The following SETDB2 variants were observed in gnomAD, a reference collection of about 807,000 sequenced individuals.
The protein encoded by SETDB2 is SET domain bifurcated histone lysine methyltransferase 2, also known as histone-lysine N-methyltransferase SETDB2.
Under a neutral mutation model 82.5 loss-of-function variants are expected in SETDB2, and 56 were observed. That is an observed-to-expected ratio of 0.68 (90% CI 0.55 to 0.85). The LOEUF is 0.85. Among genes scored for constraint, SETDB2 ranks in the 40% least tolerant of loss-of-function variants. SETDB2 has a pLI of 0.00. For synonymous variants in SETDB2, 272 were observed against 284.9 expected (o/e 0.95, Z 0.46); for missense variants, 677 against 816.4 (o/e 0.83, Z 2.08).
At chr13:49,463,944 G>A (rs12429813) in intron 4 of SETDB2, 341,865 of 706,862 alleles carry the variant, frequency 0.48, 85,440 homozygotes, top group Non-Finnish European at 0.54. Context: ...CTGCCTCTGG[G>A]ATAAGTCATC....
chr13:49,464,552 T>C (rs534914710), intron 4 of SETDB2, among the ~76,000 whole-genome samples: 69 of 152,300 alleles, frequency 4.5e-4, no homozygotes, highest in African/African-American at 1.6e-3. Flanking sequence ...AGTTGGTTTT[T>C]GTTTGGGGTC....
chr13:49,459,522 T>C (rs745586188), intron 2 of SETDB2, among the ~76,000 whole-genome samples: 1 of 152,246 alleles, frequency 6.6e-6, no homozygotes, highest in African/African-American at 2.4e-5. Flanking sequence ...TGACAACTTA[T>C]AATTGTTTTT....
intron 8 of SETDB2, among the ~76,000 whole-genome samples, chr13:49,481,639 G>A (rs141397638): frequency 3.6e-4 from 55 of 152,308 alleles, no homozygotes; most frequent in African/African-American, 7.7e-4. Context: ...AAAACTTCCC[G>A]AGCAGTGTGT....
At chr13:49,462,104 C>G (rs1482543432) in intron 4 of SETDB2, among the ~76,000 whole-genome samples, 1 of 152,194 alleles carries the variant, frequency 6.6e-6, no homozygotes, top group East Asian at 1.9e-4. Flanking sequence ...AGTCTGAAAG[C>G]TCTCTGAACC....
intron 2 of SETDB2, among the ~76,000 whole-genome samples, chr13:49,458,874 A>G (rs984448116): frequency 6.6e-6 from 1 of 152,256 alleles, no homozygotes; most frequent in Non-Finnish European, 1.5e-5. Context: ...TCTGGAAAAC[A>G]TAACTAATCA....
chr13:49,465,255 G>T (rs1417413387), intron 4 of SETDB2, among the ~76,000 whole-genome samples: 2 of 152,082 alleles, frequency 1.3e-5, no homozygotes, highest in African/African-American at 4.8e-5. Context: ...CTCAGTATTT[G>T]CTCTGTCTCC....
At chr13:49,487,004 T>C (rs1640496624) in intron 11 of SETDB2, among the ~76,000 whole-genome samples, 1 of 152,206 alleles carries the variant, frequency 6.6e-6, no homozygotes, top group Admixed American at 6.5e-5. Context: ...TTATCATGCA[T>C]GTGAGCCACA....
chr13:49,455,196 C>T (rs181347134), intron 2 of SETDB2, among the ~76,000 whole-genome samples: 1 of 152,168 alleles, frequency 6.6e-6, no homozygotes, highest in Admixed American at 6.5e-5. Flanking sequence ...TTTGGTTGAA[C>T]TGAATAAAAG....
intron 5 of SETDB2, among the ~76,000 whole-genome samples, chr13:49,471,934 A>ATATATATATATATATATT (rs1378783393): frequency 2.5e-5 from 3 of 119,260 alleles, no homozygotes; most frequent in African/African-American, 3.6e-5. Context: ...ATATATATAT[A>ATATATATATATATATATT]TTTTTTTTTT....
At chr13:49,458,971 C>T (rs1224453157) in intron 2 of SETDB2, among the ~76,000 whole-genome samples, 1 of 152,236 alleles carries the variant, frequency 6.6e-6, no homozygotes, top group Non-Finnish European at 1.5e-5. Flanking sequence ...TCATGCCCTA[C>T]CTGCCTTTTA....
At chr13:49,486,149 C>A (rs985776041) in intron 11 of SETDB2, among the ~76,000 whole-genome samples, 1 of 151,906 alleles carries the variant, frequency 6.6e-6, no homozygotes, top group Admixed American at 6.6e-5. Context: ...GTCTCAACAA[C>A]AACAAAATAG....
chr13:49,477,437 A>AAAAAAT (rs987399204), intron 6 of SETDB2, among the ~76,000 whole-genome samples: 1 of 152,142 alleles, frequency 6.6e-6, no homozygotes, highest in South Asian at 2.1e-4. Flanking sequence ...CCCTGTCTCC[A>AAAAAAT]AAAAATAAAA....
rs1180301670 is a variant in SETDB2, at chr13:49,479,748, A to G, written c.870-471A>G. ...TGCAAGCTTCCTGCCTCGCAACAGTATGAAAAAAGGATTCAATAATAGTAG... is the reference window on the plus strand; with the variant it reads ...TGCAAGCTTCCTGCCTCGCAACAGTGTGAAAAAAGGATTCAATAATAGTAG... On this transcript the variant is annotated intron_variant, in intron 6 of 13. Coordinates refer to ENST00000611815, the MANE Select transcript of SETDB2 (RefSeq NM_001160308.3). Among the ~76,000 whole-genome samples the G allele has an allele frequency of 2.6e-5, 4 of 152,230 alleles. No individual in the cohort carries two copies. The East Asian group carries it at 7.7e-4, about 29-fold the overall frequency.
intron 11 of SETDB2, among the ~76,000 whole-genome samples, chr13:49,487,343 T>C (rs2138989179): frequency 6.6e-6 from 1 of 152,266 alleles, no homozygotes; most frequent in South Asian, 2.1e-4. Context: ...CTTTTCTTTT[T>C]TTTTTAAAGA....
intron 8 of SETDB2, among the ~76,000 whole-genome samples, 179 bp from the exon 9 acceptor site, chr13:49,482,558 G>A (rs1958500482): frequency 1.3e-5 from 2 of 151,950 alleles, no homozygotes; most frequent in Non-Finnish European, 2.9e-5. Context: ...TCATATACTG[G>A]AAGATAAGAA....
intron 11 of SETDB2, 56 bp downstream of exon 11, chr13:49,485,779 T>C: frequency 7.6e-7 from 1 of 1,319,766 alleles, no homozygotes; most frequent in Admixed American, 1.7e-5. Flanking sequence ...CTCTGTCTCT[T>C]GCTCAATACC....
At chr13:49,472,315 C>G (rs1381175001) in intron 5 of SETDB2, among the ~76,000 whole-genome samples, 2 of 152,122 alleles carry the variant, frequency 1.3e-5, no homozygotes, top group African/African-American at 4.8e-5. Context: ...TGACTTCTTA[C>G]TTTAGCCTTG....
intron 4 of SETDB2, among the ~76,000 whole-genome samples, chr13:49,466,867 G>T (rs1166413887): frequency 1.4e-5 from 2 of 145,734 alleles, no homozygotes; most frequent in Non-Finnish European, 3.0e-5. Flanking sequence ...TGTTGCTCAG[G>T]GGGGCCTTAA....
chr13:49,460,223 A>G lies in SETDB2; in HGVS notation c.133A>G (p.Thr45Ala). 2 of 1,612,714 alleles carry G rather than the reference A, an allele frequency of 1.2e-6. No homozygotes were observed. The highest frequency in any genetic ancestry group is 1.7e-4 in the Middle Eastern group (1 of 6,058). Residue 45 changes from threonine to alanine, a missense_variant, in exon 3 of 14, where the codon ACC becomes GCC. Transcript: ENST00000611815. The stretch of plus-strand genomic sequence containing the variant: ...ACAAAAGATCAAAGATGGGTCTGCC[A>G]CCAATAAAGGTATGAAGCAATAAAA... The part of the protein sequence containing the change: ...LKQKIKDGSA[T>A]NKEYIQAMIL...
Sources: gnomAD v4.1 joint callset for allele counts (sites outside exome capture counted in the v4.1 genomes callset) on GRCh38, gnomAD v4.1.1 for gene constraint, MANE v1.5 for transcripts, NCBI Gene and HGNC (gene_info 2026-07-23, HGNC 2026-07-21) for gene names.